HOXC4: variants seen among roughly 807,000 people sequenced by gnomAD.
HOXC4 encodes the protein homeobox protein Hox-C4.
A neutral mutation model predicts 25.5 loss-of-function variants in HOXC4; 15 were observed. The ratio of observed to expected loss-of-function variants is 0.59; its 90% confidence interval spans 0.39 to 0.91. The LOEUF (loss-of-function observed/expected upper bound fraction) is 0.91, where lower values mean the gene tolerates loss of function less well. HOXC4 is among the 40% of genes least tolerant of loss of function. HOXC4 has a pLI of 0.00. For missense variants in HOXC4, 342 were observed against 352.4 expected, an observed-to-expected ratio of 0.97 and a Z score of 0.24; for synonymous variants, 165 against 148.0, an observed-to-expected ratio of 1.11 and a Z score of -0.83.
At chr12:54,030,982 C>A (rs536137632) in intron 1 of HOXC4, among the ~76,000 whole-genome samples, 2 of 152,386 alleles carry the variant, frequency 1.3e-5, no homozygotes, top group East Asian at 3.9e-4. Flanking sequence ...TCTGTTCGTT[C>A]TCGCGATCGC....
upstream of HOXC4, among the ~76,000 whole-genome samples, chr12:54,050,774 T>C (rs1334756290): frequency 6.6e-6 from 1 of 152,208 alleles, no homozygotes; most frequent in East Asian, 1.9e-4. Flanking sequence ...TGGGGGAATC[T>C]TGGAGATTTC....
chr12:54,017,334 G>C (rs966155483), exon 1 of HOXC4: 1 of 152,162 alleles, frequency 6.6e-6, no homozygotes, highest in Non-Finnish European at 1.5e-5. Context: ...CTCGGCAGCG[G>C]CACAGAATGA....
At chr12:54,032,995 G>A in intron 1 of HOXC4, 1 of 721,072 alleles carries the variant, frequency 1.4e-6, no homozygotes, top group Non-Finnish European at 2.3e-6. Context: ...GAGCGCATAG[G>A]ATAAAGAAAG....
intron 1 of HOXC4, among the ~76,000 whole-genome samples, chr12:54,037,463 TC>T (rs1212378397): frequency 1.3e-5 from 2 of 151,950 alleles, no homozygotes; most frequent in African/African-American, 4.8e-5. Flanking sequence ...TGACTTACCT[TC>T]CCGGGGGAGT....
intron 1 of HOXC4, among the ~76,000 whole-genome samples, chr12:54,026,151 C>T (rs1241427537): frequency 2.0e-5 from 3 of 152,134 alleles, no homozygotes; most frequent in African/African-American, 4.8e-5. Flanking sequence ...CTCTCTCTTC[C>T]GGCCTCTTCT....
chr12:54,046,401 G>A (rs1937704994), intron 1 of HOXC4, among the ~76,000 whole-genome samples: 1 of 152,146 alleles, frequency 6.6e-6, no homozygotes, highest in South Asian at 2.1e-4. Flanking sequence ...CATTGCTGTG[G>A]GGGAGGGGGC....
At chr12:54,043,808 C>T (rs1941313975) in intron 1 of HOXC4, among the ~76,000 whole-genome samples, 1 of 152,100 alleles carries the variant, frequency 6.6e-6, no homozygotes, top group South Asian at 2.1e-4. Flanking sequence ...TCCTTCTGTT[C>T]CAAGCTCAAA....
rs796708532 is a variant in HOXC4, at chr12:54,055,753, G to C, written c.*548G>C. 1.3e-5 allele frequency: 2 copies of C among 152,302 alleles called. No homozygotes were observed. The highest frequency in any genetic ancestry group is 2.4e-5 in the African/African-American group (1 of 41,316). The allele number at this position is 152,302 out of a possible 1,614,324, so 9.4% of individuals were successfully genotyped here. On this transcript the variant is annotated 3_prime_UTR_variant, in exon 2 of 2. Coordinates refer to ENST00000430889, the MANE Select transcript of HOXC4 (RefSeq NM_153633.3). ...AGTTCTTTTGTATTATTGTTGGGGG[G>C]GGGTGTGGGAGGAGAGGGGGCGAAG...
At chr12:54,054,791 T>TG in intron 1 of HOXC4, 59 bp from the exon 2 acceptor site, 1 of 1,114,960 alleles carries the variant, frequency 9.0e-7, no homozygotes, top group East Asian at 2.4e-5. Context: ...GGGGTGAGGG[T>TG]GGGGGGCGGG....
At chr12:54,034,900 C>T (rs553897570) in intron 1 of HOXC4, 2 of 233,260 alleles carry the variant, frequency 8.6e-6, no homozygotes, top group East Asian at 1.0e-4. Context: ...TCTAACCTCG[C>T]CCTCTCCTTT....
rs1422671421 is a variant in HOXC4 at position 54,028,265 on chromosome 12, A to ATT, written c.-124+10852_-124+10853insTT. The ATT allele has an allele frequency of 7.6e-3, 541 of 71,388 alleles. 2 individuals carry two copies. The highest frequency in any genetic ancestry group is 0.023 in the African/African-American group (480 of 20,434). 4.4% of individuals were successfully genotyped at this position (71,388 alleles called of 1,614,324 possible). Reference sequence around the variant, plus strand: ...CCCTTACATATATATATATATATATATATTTTTTAAAAGAAATCCAAGTCT... The same window carrying ATT: ...CCCTTACATATATATATATATATATATTTATTTTTTAAAAGAAATCCAAGTCT... On this transcript the variant is annotated intron_variant, in intron 1 of 3. Coordinates refer to the HOXC4 transcript ENST00000303406.
chr12:54,026,128 G>C (rs1489088109), intron 1 of HOXC4, among the ~76,000 whole-genome samples: 1 of 152,104 alleles, frequency 6.6e-6, no homozygotes, highest in Non-Finnish European at 1.5e-5. Context: ...AATTGGAGGG[G>C]GGGACAGAGT....
intron 1 of HOXC4, among the ~76,000 whole-genome samples, chr12:54,044,337 AT>A (rs796094223): frequency 5.8e-4 from 88 of 151,346 alleles, no homozygotes; most frequent in African/African-American, 1.8e-3. Flanking sequence ...CTAATTGGTG[AT>A]TTTTTTTTCC....
chr12:54,027,577 CTG>C (rs1940777734), intron 1 of HOXC4, among the ~76,000 whole-genome samples: 1 of 152,252 alleles, frequency 6.6e-6, no homozygotes, highest in Non-Finnish European at 1.5e-5. Flanking sequence ...CTCTTTCTCT[CTG>C]TCTTTCCCCC....
At chr12:54,049,714 C>G (rs1202498438), upstream of HOXC4, among the ~76,000 whole-genome samples, 1 of 146,472 alleles carries the variant, frequency 6.8e-6, no homozygotes, top group Non-Finnish European at 1.5e-5. Flanking sequence ...ATACATTAGC[C>G]CTGGCTGCCG....
chr12:54,028,963 C>T, intron 1 of HOXC4: 1 of 1,550,628 alleles, frequency 6.4e-7, no homozygotes, highest in East Asian at 2.3e-5. Context: ...ATAAACTGAA[C>T]TGGCTTTATG....
chr12:54,039,967 C>G (rs1941243439), intron 1 of HOXC4, among the ~76,000 whole-genome samples: 1 of 152,180 alleles, frequency 6.6e-6, no homozygotes, highest in African/African-American at 2.4e-5. Flanking sequence ...ACCCCCTTTT[C>G]TGTTCTTTAG....
chr12:54,055,054 A>T lies in HOXC4; in HGVS notation c.644A>T (p.His215Leu). The change falls in exon 2 of 2, where the codon CAC becomes CTC. Residue 215 changes from histidine (H) to leucine (L), a missense_variant. Transcript: ENST00000430889. Reference sequence around the variant, plus strand: ...CGTCGCATGAAATGGAAGAAGGACCACCGACTCCCCAACACCAAAGTCAGG... The same window carrying T: ...CGTCGCATGAAATGGAAGAAGGACCTCCGACTCCCCAACACCAAAGTCAGG... ...QNRRMKWKKD[H>L]RLPNTKVRSA... The T allele has an allele frequency of 6.2e-7, 1 of 1,613,590 alleles. No individual in the cohort carries two copies. Among genetic ancestry groups the T allele is most frequent in the Non-Finnish European group, 8.5e-7 (1 of 1,179,902 alleles).
intron 1 of HOXC4, chr12:54,028,745 A>T: frequency 6.2e-7 from 1 of 1,614,112 alleles, no homozygotes; most frequent in Non-Finnish European, 8.5e-7. Flanking sequence ...TATGGATCTA[A>T]TTCCTTTTAC....
Sources: allele counts gnomAD v4.1 joint callset (sites outside exome capture counted in the v4.1 genomes callset), GRCh38; gene constraint gnomAD v4.1.1; transcripts MANE v1.5; gene names NCBI Gene and HGNC (gene_info 2026-07-23, HGNC 2026-07-21).